CDH12: variants seen among roughly 807,000 people sequenced by gnomAD.
CDH12 encodes the protein cadherin-12.
A neutral mutation model predicts 74.1 loss-of-function variants in CDH12; 41 were observed. The ratio of observed to expected loss-of-function variants is 0.55; its 90% CI spans 0.43 to 0.72. The LOEUF (loss-of-function observed/expected upper bound fraction) is 0.72, where lower values mean the gene tolerates loss of function less well. Ranked by LOEUF, CDH12 falls within the 30% of genes least tolerant of loss-of-function variation. CDH12 has a pLI of 0.00. For missense variants in CDH12, 945 were observed against 977.2 expected (o/e 0.97, Z 0.44); for synonymous variants, 399 against 355.0 (o/e 1.12, Z -1.39).
intron 3 of CDH12, among the ~76,000 whole-genome samples, chr5:22,280,707 G>T (rs1241971240): frequency 1.3e-5 from 2 of 152,062 alleles, no homozygotes; most frequent in Non-Finnish European, 1.5e-5. Context: ...CCAATAACAG[G>T]CTCTGAAATT....
At chr5:21,816,294 A>G (rs114323277) in intron 9 of CDH12, among the ~76,000 whole-genome samples, 1,807 of 152,184 alleles carry the variant, frequency 0.012, 38 homozygotes, top group African/African-American at 0.042. Context: ...GATTTTCTTA[A>G]TAACATTTTC....
At position 22,602,133 on chromosome 5, in the gene CDH12, C is replaced by A. The variant is rs191996952; in HGVS notation, c.-522-96769G>T. On this transcript the variant is annotated intron_variant, in intron 1 of 14. Transcript: ENST00000382254. The stretch of plus-strand genomic sequence containing the variant: ...TACTGATGCATATCAAAATAATTAG[C>A]TGTCAATTAGCTGTCAGAAAAGAGA... 5.8e-4 allele frequency among the ~76,000 whole-genome samples: 89 copies of A among 152,140 alleles called. 1 individual carries two copies. Among genetic ancestry groups the A allele is most frequent in the African/African-American group, 2.1e-3 (88 of 41,534 alleles).
chr5:22,327,443 T>G (rs1256424944), intron 3 of CDH12, among the ~76,000 whole-genome samples: 1 of 151,392 alleles, frequency 6.6e-6, no homozygotes, highest in East Asian at 1.9e-4. Flanking sequence ...TGTGTGTGTG[T>G]GTGTGTGTGT....
intron 1 of CDH12, among the ~76,000 whole-genome samples, chr5:22,516,620 C>A (rs1203379480): frequency 6.6e-6 from 1 of 151,922 alleles, no homozygotes; most frequent in African/African-American, 2.4e-5. Context: ...CATGGCGAAA[C>A]CTTGTCTCCA....
At position 22,789,436 on chromosome 5, in the gene CDH12, C is replaced by T. The variant is rs142741906; in HGVS notation, c.-523+63622G>A. Among the ~76,000 whole-genome samples, 31 of 151,950 alleles carry T rather than the reference C, an allele frequency of 2.0e-4. No homozygotes were observed. In the East Asian group the frequency reaches 4.2e-3, roughly 21 times the overall value. ...GTAAAAACAAATTAATCATGTTCAG[C>T]GTTTAAAAATGTAGCAATATATAAT... On this transcript the variant is annotated intron_variant, in intron 1 of 14. Transcript: ENST00000382254.
chr5:22,733,935 G>T (rs949154349), intron 1 of CDH12, among the ~76,000 whole-genome samples: 2 of 151,894 alleles, frequency 1.3e-5, no homozygotes, highest in Non-Finnish European at 2.9e-5. Flanking sequence ...GAAGACTGGG[G>T]AAGTGTTGGG....
At chr5:22,443,551 T>G (rs1391410878) in intron 2 of CDH12, among the ~76,000 whole-genome samples, 2 of 152,290 alleles carry the variant, frequency 1.3e-5, no homozygotes, top group South Asian at 4.1e-4. Flanking sequence ...TTCCGTAACA[T>G]GGATCAGGAA....
At chr5:22,766,381 T>C (rs1424805626) in intron 1 of CDH12, among the ~76,000 whole-genome samples, 1 of 151,970 alleles carries the variant, frequency 6.6e-6, no homozygotes, top group Non-Finnish European at 1.5e-5. Context: ...AGTACCTCAA[T>C]ATAAACAATG....
At chr5:21,940,158 C>T (rs1579992976) in intron 6 of CDH12, among the ~76,000 whole-genome samples, 1 of 151,948 alleles carries the variant, frequency 6.6e-6, no homozygotes, top group South Asian at 2.1e-4. Context: ...GCCCAGGAGG[C>T]GGAAGCTGCA....
intron 6 of CDH12, among the ~76,000 whole-genome samples, chr5:21,944,410 T>C (rs1264292778): frequency 1.3e-5 from 2 of 152,188 alleles, no homozygotes; most frequent in African/African-American, 2.4e-5. Flanking sequence ...TATGTTGCTG[T>C]TACATGCTAT....
chr5:22,466,562 G>A (rs1745736274), intron 2 of CDH12, among the ~76,000 whole-genome samples: 1 of 152,038 alleles, frequency 6.6e-6, no homozygotes, highest in South Asian at 2.1e-4. Flanking sequence ...CACGTGTGTA[G>A]GAGTAAAGGC....
At chr5:21,840,510 A>G (rs1579811750) in intron 8 of CDH12, among the ~76,000 whole-genome samples, 1 of 152,012 alleles carries the variant, frequency 6.6e-6, no homozygotes, top group African/African-American at 2.4e-5. Flanking sequence ...AACTACTTTA[A>G]AGTTCATATG....
chr5:22,293,305 G>A (rs1737481626), intron 3 of CDH12, among the ~76,000 whole-genome samples: 1 of 152,106 alleles, frequency 6.6e-6, no homozygotes, highest in Non-Finnish European at 1.5e-5. Flanking sequence ...CTCTTGCAGT[G>A]ACCAGAAGAA....
intron 1 of CDH12, among the ~76,000 whole-genome samples, chr5:22,572,517 A>C (rs1161029843): frequency 1.3e-5 from 2 of 151,966 alleles, no homozygotes; most frequent in African/African-American, 2.4e-5. Flanking sequence ...CCCCAGGATT[A>C]ATTTTTTTTT....
At chr5:21,821,413 T>C (rs938465159) in intron 8 of CDH12, among the ~76,000 whole-genome samples, 7 of 151,928 alleles carry the variant, frequency 4.6e-5, no homozygotes, top group African/African-American at 1.4e-4. Context: ...ACTTTAAAAA[T>C]ACCACAACAT....
At chr5:22,278,386 T>C (rs192838605) in intron 3 of CDH12, among the ~76,000 whole-genome samples, 22 of 152,200 alleles carry the variant, frequency 1.4e-4, no homozygotes, top group Admixed American at 1.4e-3. Flanking sequence ...GATGGGAAAA[T>C]GAATCAAATA....
chr5:21,774,657 T>C (rs1055193554), intron 11 of CDH12: 3 of 152,160 alleles, frequency 2.0e-5, no homozygotes, highest in African/African-American at 7.2e-5. Flanking sequence ...GAATACAAAA[T>C]AGTTTTATAT....
chr5:22,737,720 G>T (rs1680740121), intron 1 of CDH12, among the ~76,000 whole-genome samples: 1 of 152,008 alleles, frequency 6.6e-6, no homozygotes, highest in South Asian at 2.1e-4. Context: ...TGGTCAAAAT[G>T]TAATAACTGT....
At chr5:21,964,245 C>T (rs1756487215) in intron 6 of CDH12, among the ~76,000 whole-genome samples, 1 of 152,054 alleles carries the variant, frequency 6.6e-6, no homozygotes, top group South Asian at 2.1e-4. Context: ...CTTATTTAAA[C>T]TCATCTAGGG....
Sources: allele counts gnomAD v4.1 joint callset (sites outside exome capture counted in the v4.1 genomes callset), GRCh38; gene constraint gnomAD v4.1.1; transcripts MANE v1.5; gene names NCBI Gene and HGNC (gene_info 2026-07-23, HGNC 2026-07-21).